The following INTS7 variants were observed in gnomAD, a reference collection of about 807,000 sequenced individuals.
INTS7 encodes integrator complex subunit 7, also known as chromosome 1 open reading frame 73.
A neutral mutation model predicts 109.2 loss-of-function variants in INTS7; 46 were observed. The observed-to-expected ratio is 0.42, with a 90% CI of 0.33 to 0.54. The LOEUF (loss-of-function observed/expected upper bound fraction) is 0.54, where lower values mean the gene tolerates loss of function less well. Among genes scored for constraint, INTS7 ranks in the 20% least tolerant of loss-of-function variants. The pLI, the probability that INTS7 is intolerant of heterozygous loss-of-function variation, is 0.07. For synonymous variants in INTS7, 412 were observed against 402.9 expected (o/e 1.02, Z -0.27); for missense variants, 929 against 1,132.4 (o/e 0.82, Z 2.58).
intron 10 of INTS7, among the ~76,000 whole-genome samples, chr1:211,980,792 A>C (rs530237830): frequency 3.3e-5 from 5 of 152,288 alleles, no homozygotes; most frequent in African/African-American, 1.2e-4. Flanking sequence ...TCTGTAACTA[A>C]GTGAAGGTGA....
chr1:212,001,167 A>G (rs944610005), intron 7 of INTS7, among the ~76,000 whole-genome samples: 17 of 151,484 alleles, frequency 1.1e-4, no homozygotes, highest in African/African-American at 4.1e-4. Context: ...CCCGGATTCA[A>G]GCGATTCTCC....
intron 13 of INTS7, among the ~76,000 whole-genome samples, chr1:211,973,219 T>TA (rs1453917546): frequency 6.6e-6 from 1 of 151,898 alleles, no homozygotes; most frequent in Admixed American, 6.6e-5. Context: ...GTACTGGGAT[T>TA]ACAGGCATGA....
intron 16 of INTS7, among the ~76,000 whole-genome samples, chr1:211,962,260 T>TAAAAAAAAAAAAAA (rs35134976): frequency 3.2e-4 from 25 of 79,326 alleles, no homozygotes; most frequent in Non-Finnish European, 3.9e-4. Context: ...CAACAAAGAT[T>TAAAAAAAAAAAAAA]AAAAAAAAAA....
chr1:211,961,783 TAAGCTTC>T (rs917215293), intron 16 of INTS7, among the ~76,000 whole-genome samples: 4 of 152,118 alleles, frequency 2.6e-5, no homozygotes, highest in African/African-American at 9.7e-5. Context: ...CCGGCCAAAC[TAAGCTTC>T]ATGAGTGACA....
At chr1:211,993,193 C>G (rs978762968) in intron 7 of INTS7, among the ~76,000 whole-genome samples, 1 of 152,180 alleles carries the variant, frequency 6.6e-6, no homozygotes, top group Non-Finnish European at 1.5e-5. Flanking sequence ...TGCAGTTATG[C>G]AAAGAAAAAG....
chr1:211,948,526 T>C (rs1444828278), intron 17 of INTS7, among the ~76,000 whole-genome samples: 2 of 152,180 alleles, frequency 1.3e-5, no homozygotes, highest in African/African-American at 4.8e-5. Context: ...TTTTGCCTTT[T>C]AAAAGAATGG....
Position 211,944,851 on chromosome 1 carries a change from C to T in INTS7, c.2534G>A (p.Arg845His), listed in dbSNP as rs760604210. Residue 845 changes from arginine (R) to histidine (H), a missense_variant, in exon 19 of 20, where the codon CGC becomes CAC. Physicochemically the swap from Arg to His is conservative, Grantham distance 29. Coordinates refer to ENST00000366994, the MANE Select transcript of INTS7 (RefSeq NM_015434.4). ...ATTCAGACAGACAGACTGAATTTTG[C>T]GGAAGAGTCCTGGTTTAGATCCGTG... ...VQHGSKPGLF[R>H]KIQSVCLNVS... is the part of the protein sequence containing the mutation. The T allele has an allele frequency of 3.7e-6, 6 of 1,614,096 alleles. No homozygotes were observed. The highest frequency in any genetic ancestry group is 1.7e-5 in the Admixed American group (1 of 60,012).
Position 211,976,703 on chromosome 1 carries a change from A to T in INTS7, c.1487T>A (p.Val496Glu). The T allele has an allele frequency of 1.2e-6, 2 of 1,614,092 alleles. No homozygotes were observed. The highest frequency in any genetic ancestry group is 1.7e-6 in the Non-Finnish European group (2 of 1,179,950). ...QQELLVSLAT[V>E]IFVASQKALS... The stretch of plus-strand genomic sequence containing the variant: ...TGCCTTCTGACTTGCAACAAAAATC[A>T]CAGTAGCCAAACTCACCTAACATTG... The change falls in exon 12 of 20, where the codon GTG becomes GAG. Residue 496 changes from valine to glutamate, a missense_variant. Val to Glu is a moderately radical substitution (Grantham distance 121). Around this residue, in one of 2 missense-constraint regions of INTS7, gnomAD observed 787 missense variants for 901.1 expected, o/e 0.87. Coordinates refer to ENST00000366994, the MANE Select transcript of INTS7 (RefSeq NM_015434.4).
intron 7 of INTS7, among the ~76,000 whole-genome samples, chr1:211,998,117 C>G (rs935534889): frequency 6.6e-6 from 1 of 152,110 alleles, no homozygotes; most frequent in African/African-American, 2.4e-5. Flanking sequence ...TACCACTATG[C>G]CTAGCTGATT....
At chr1:212,013,415 T>C (rs538482683) in intron 4 of INTS7, among the ~76,000 whole-genome samples, 1 of 152,248 alleles carries the variant, frequency 6.6e-6, no homozygotes, top group Non-Finnish European at 1.5e-5. Context: ...TAAGTGTTAT[T>C]ACAAAAGAGT....
intron 7 of INTS7, among the ~76,000 whole-genome samples, chr1:212,005,616 T>C (rs908753347): frequency 2.0e-5 from 3 of 152,114 alleles, no homozygotes; most frequent in African/African-American, 7.2e-5. Context: ...AATAACTGGG[T>C]TTGGTTCTTT....
At chr1:212,033,888 G>C (rs1165856567) in intron 1 of INTS7, among the ~76,000 whole-genome samples, 1 of 152,012 alleles carries the variant, frequency 6.6e-6, no homozygotes, top group African/African-American at 2.4e-5. Context: ...TTGGAGACCA[G>C]CCTGGCCAAC....
intron 2 of INTS7, chr1:212,020,778 A>C (rs1666655894): frequency 1.0e-6 from 1 of 996,982 alleles, no homozygotes; most frequent in Non-Finnish European, 1.2e-6. Flanking sequence ...TATTAAATTA[A>C]ATCAGAAACT....
At chr1:212,031,917 G>A (rs1667183804) in intron 1 of INTS7, among the ~76,000 whole-genome samples, 1 of 152,192 alleles carries the variant, frequency 6.6e-6, no homozygotes, top group Non-Finnish European at 1.5e-5. Context: ...CATTTCCTGA[G>A]TGTGTTTCTA....
chr1:211,973,849 T>C (rs1166405828), intron 13 of INTS7, among the ~76,000 whole-genome samples: 1 of 152,076 alleles, frequency 6.6e-6, no homozygotes, highest in Non-Finnish European at 1.5e-5. Context: ...ATAAAATAAC[T>C]CCATTTCAAA....
intron 16 of INTS7, 64 bp downstream of exon 16, chr1:211,966,366 G>A (rs1340495130): frequency 4.4e-6 from 4 of 902,514 alleles, no homozygotes; most frequent in Non-Finnish European, 7.2e-6. Flanking sequence ...GTCTTCTGAT[G>A]ATTAGGTAAG....
intron 1 of INTS7, 134 bp downstream of exon 1, chr1:212,035,210 C>G: frequency 3.0e-6 from 2 of 673,474 alleles, no homozygotes; most frequent in Non-Finnish European, 5.3e-6. Flanking sequence ...CACGCCCCAG[C>G]AAAAGCACAG....
intron 1 of INTS7, among the ~76,000 whole-genome samples, chr1:212,028,396 T>C (rs78321169): frequency 0.026 from 4,008 of 152,260 alleles, 58 homozygotes; most frequent in African/African-American, 0.046. Flanking sequence ...CAAAGAAACA[T>C]AGTAGTACTG....
intron 14 of INTS7, 35 bp downstream of exon 14, chr1:211,968,478 T>C (rs1484009474): frequency 1.9e-6 from 3 of 1,560,312 alleles, no homozygotes; most frequent in African/African-American, 1.4e-5. Context: ...ACCTCTAAAG[T>C]GTAAATAAAA....
Sources: gnomAD v4.1 joint callset for allele counts (sites outside exome capture counted in the v4.1 genomes callset) on GRCh38, gnomAD v4.1.1 for gene constraint, gnomAD v4.1.1 regional missense constraint, MANE v1.5 for transcripts, NCBI Gene and HGNC (gene_info 2026-07-23, HGNC 2026-07-21) for gene names.